The following EIF2D variants were observed in gnomAD, a reference collection of about 807,000 sequenced individuals.
The protein encoded by EIF2D is hepatocellular carcinoma-associated antigen 56.
EIF2D carries 56 observed loss-of-function variants against 77.4 expected under a neutral mutation model. That is an observed-to-expected ratio of 0.72 (90% CI 0.58 to 0.90). The LOEUF is 0.90. EIF2D is among the 40% of genes least tolerant of loss of function. The probability of loss-of-function intolerance (pLI) is 0.00; values close to 1 mark genes in which losing one functional copy is unlikely to be tolerated. For synonymous variants in EIF2D, 230 were observed against 271.0 expected (o/e 0.85, Z 1.49); for missense variants, 574 against 706.5 (o/e 0.81, Z 2.13).
chr1:206,604,945 G>A (rs1670119756), intron 5 of EIF2D: 1 of 152,440 alleles, frequency 6.6e-6, no homozygotes, highest in Non-Finnish European at 1.5e-5. Flanking sequence ...TTACTTTCAT[G>A]AGGAGGAGGA....
intron 4 of EIF2D, among the ~76,000 whole-genome samples, chr1:206,606,914 A>C (rs1278290406): frequency 1.3e-5 from 2 of 152,220 alleles, no homozygotes; most frequent in East Asian, 3.8e-4. Context: ...GTAAAAACTG[A>C]TACAGCTTGT....
At chr1:206,600,033 C>T (rs1395387304) in intron 8 of EIF2D, among the ~76,000 whole-genome samples, 197 bp from the exon 9 acceptor site, 2 of 152,106 alleles carry the variant, frequency 1.3e-5, no homozygotes, top group Non-Finnish European at 2.9e-5. Flanking sequence ...CCAGTGAGGC[C>T]GTTCAGAACT....
rs782403954 is a variant in EIF2D at position 206,603,037 on chromosome 1, C to T, written c.698G>A (p.Arg233His). 5.6e-6 allele frequency: 9 copies of T among 1,614,048 alleles called. No homozygotes were observed. The highest frequency in any genetic ancestry group is 5.0e-5 in the Admixed American group (3 of 60,008). Residue 233 changes from arginine (R) to histidine (H), a missense_variant, in exon 6 of 15, where the codon CGT becomes CAT. Transcript: ENST00000271764. ...GGCTTCTGAGAGAGACTTGTCTTCA[C>T]GTGCCTGGTGAACCTCCCCATTCTC... ...EEENGEVHQA[R>H]EDKSLSEAPE...
intron 4 of EIF2D, among the ~76,000 whole-genome samples, chr1:206,577,420 A>G (rs781870407): frequency 4.7e-4 from 72 of 152,156 alleles, no homozygotes; most frequent in Non-Finnish European, 8.5e-4. Flanking sequence ...TGATTTTCAG[A>G]ACACTTTTGT....
At chr1:206,586,290 A>G (rs4240840) in intron 2 of EIF2D, 102,025 of 153,698 alleles carry the variant, frequency 0.66, 34,081 homozygotes, top group African/African-American at 0.74. Context: ...TCAGAGGCCA[A>G]GTCCTTTAGG....
In EIF2D at chr1:206,579,836, T is replaced by A. The variant is rs1331882398; in HGVS notation, c.*254+856A>T. ...ATCTCTTGGGTGGAAAAAGGATCCG[T>A]GAGCCCTCGTGGCTGTGGCTGGCTG... On this transcript the variant is annotated intron_variant and NMD_transcript_variant, in intron 4 of 5. Transcript: ENST00000472709. The surrounding 1 kb of genome is among the most constrained non-coding windows in gnomAD (Gnocchi z 4.2). 6.6e-6 allele frequency among the ~76,000 whole-genome samples: 1 copy of A among 152,134 alleles called. No individual in the cohort carries two copies. Among genetic ancestry groups the A allele is most frequent in the Non-Finnish European group, 1.5e-5 (1 of 68,036 alleles).
At chr1:206,580,115 C>A (rs1387768442) in intron 4 of EIF2D, among the ~76,000 whole-genome samples, 1 of 152,190 alleles carries the variant, frequency 6.6e-6, no homozygotes, top group Non-Finnish European at 1.5e-5. Context: ...TGCCTGTGGC[C>A]ACTTGCGTCA....
At chr1:206,574,388 G>A (rs1668557781) in intron 4 of EIF2D, among the ~76,000 whole-genome samples, 1 of 152,178 alleles carries the variant, frequency 6.6e-6, no homozygotes, top group African/African-American at 2.4e-5. Context: ...CATCTCTCAA[G>A]GTGCCTTTCA....
At chr1:206,590,561 C>A (rs1210102150), downstream of EIF2D, among the ~76,000 whole-genome samples, 1 of 152,158 alleles carries the variant, frequency 6.6e-6, no homozygotes, top group Non-Finnish European at 1.5e-5. Flanking sequence ...TTCTGGAAAT[C>A]CCTTTCCTAG....
At chr1:206,595,608 C>A (rs1553409863) in intron 13 of EIF2D, 110 bp downstream of exon 13, 4 of 1,372,516 alleles carry the variant, frequency 2.9e-6, no homozygotes, top group Non-Finnish European at 3.9e-6. Flanking sequence ...ATAAAAAAAT[C>A]TTTGATGAGT....
At chr1:206,593,488 C>T in intron 14 of EIF2D, 131 bp downstream of exon 14, 3 of 305,938 alleles carry the variant, frequency 9.8e-6, no homozygotes, top group South Asian at 1.6e-4. Flanking sequence ...AGAGAGAGAG[C>T]GAGAGAGAGA....
intron 11 of EIF2D, among the ~76,000 whole-genome samples, chr1:206,598,574 AG>A (rs1553410630): frequency 6.6e-6 from 1 of 152,200 alleles, no homozygotes; most frequent in African/African-American, 2.4e-5. Flanking sequence ...TAAATACTCA[AG>A]GTGATGATAC....
downstream of EIF2D, chr1:206,587,181 C>G (rs1029730969): frequency 3.4e-5 from 20 of 582,534 alleles, no homozygotes; most frequent in Admixed American, 4.2e-4. Context: ...TGTGCCCCAC[C>G]ACAGATTCTG....
At chr1:206,577,580 AAC>A (rs1409806165) in intron 4 of EIF2D, among the ~76,000 whole-genome samples, 3 of 152,218 alleles carry the variant, frequency 2.0e-5, no homozygotes, top group Non-Finnish European at 4.4e-5. Flanking sequence ...TCAGAAGCCC[AAC>A]ACACACTTGT....
rs1670076535 is a variant in EIF2D, at chr1:206,604,340, A to T, written c.530+1060T>A. On this transcript the variant is annotated intron_variant, in intron 5 of 14. Coordinates refer to ENST00000271764, the MANE Select transcript of EIF2D (RefSeq NM_006893.3). ...AAGCCTGTAATCCCAGCTACTCGGG[A>T]GGCTGAGGTAGGAGAATCACTTGAA... Among the ~76,000 whole-genome samples the T allele has an allele frequency of 2.6e-5, 4 of 152,254 alleles. No homozygotes were observed. The South Asian group carries it at 8.3e-4, about 32-fold the overall frequency.
In EIF2D at chr1:206,595,700, G is replaced by GTC; in HGVS notation, c.1509+17_1509+18insGA. 1 of 1,612,038 alleles carries GTC rather than the reference G, an allele frequency of 6.2e-7. No homozygotes were observed. ...CATTAAATCACTATCCTTGAACATTGTGTCTTTCTAAAATTACCTTTTTAT... is the reference window on the plus strand; with the variant it reads ...CATTAAATCACTATCCTTGAACATTGTCTGTCTTTCTAAAATTACCTTTTTAT... On this transcript the variant is annotated intron_variant, in intron 13 of 14. Transcript: ENST00000271764.
chr1:206,591,763 CAA>C lies in EIF2D; in HGVS notation c.*10_*11del, dbSNP rs781794722. On this transcript the variant is annotated 3_prime_UTR_variant, in exon 15 of 15. Transcript: ENST00000271764. Reference sequence around the variant, plus strand: ...TTTCCACCGGATCCACCACGTGAGACAAAAGAGTCTGTCACTTCTTCTTGCCA... The same window carrying C: ...TTTCCACCGGATCCACCACGTGAGACAAGAGTCTGTCACTTCTTCTTGCCA... The C allele has an allele frequency of 6.8e-6, 11 of 1,613,874 alleles. No individual in the cohort carries two copies. The highest frequency in any genetic ancestry group is 6.7e-5 in the African/African-American group (5 of 74,926).
At chr1:206,604,211 G>T (rs1382679401) in intron 5 of EIF2D, among the ~76,000 whole-genome samples, 1 of 152,178 alleles carries the variant, frequency 6.6e-6, no homozygotes, top group South Asian at 2.1e-4. Context: ...GGGAGGCCTA[G>T]ATGGGCAGAT....
intron 12 of EIF2D, 75 bp from the exon 13 acceptor site, chr1:206,595,913 C>G (rs1413673454): frequency 6.3e-7 from 1 of 1,577,506 alleles, no homozygotes; most frequent in Non-Finnish European, 8.6e-7. Flanking sequence ...TACCAGCAGG[C>G]AGTTAGGTGT....
Sources: gnomAD v4.1 joint callset for allele counts (sites outside exome capture counted in the v4.1 genomes callset) on GRCh38, gnomAD v4.1.1 for gene constraint, Gnocchi (gnomAD v3.1) non-coding constraint, MANE v1.5 for transcripts, NCBI Gene and HGNC (gene_info 2026-07-23, HGNC 2026-07-21) for gene names.